SLC1A2: variants seen among roughly 807,000 people sequenced by gnomAD.
The protein encoded by SLC1A2 is excitatory amino acid transporter 2.
A neutral mutation model predicts 48.8 loss-of-function variants in SLC1A2; 15 were observed. The ratio of observed to expected loss-of-function variants is 0.31; its 90% CI spans 0.21 to 0.47. SLC1A2 has a LOEUF of 0.47. Ranked by LOEUF, SLC1A2 falls within the 20% of genes least tolerant of loss-of-function variation. The pLI, the probability that SLC1A2 is intolerant of heterozygous loss-of-function variation, is 0.99. For missense variants in SLC1A2, 502 were observed against 730.5 expected (o/e 0.69, Z 3.61); for synonymous variants, 279 against 272.6 (o/e 1.02, Z -0.23).
chr11:35,311,334 A>G, intron 4 of SLC1A2, among the ~76,000 whole-genome samples: 1 of 151,838 alleles, frequency 6.6e-6, no homozygotes, highest in East Asian at 1.9e-4. Flanking sequence ...TAATTTTTGC[A>G]TTTTTAGTAG....
intron 7 of SLC1A2, chr11:35,291,748 C>T (rs548262912): frequency 6.4e-6 from 1 of 155,970 alleles, no homozygotes; most frequent in Non-Finnish European, 1.4e-5. Flanking sequence ...GCCAAGTTAA[C>T]TCTGGGGAAA....
chr11:35,343,484 C>T (rs916632203), intron 1 of SLC1A2, among the ~76,000 whole-genome samples: 4 of 152,154 alleles, frequency 2.6e-5, no homozygotes, highest in Non-Finnish European at 5.9e-5. Context: ...AGTTAGAAGC[C>T]GCAAACCCCA....
intron 1 of SLC1A2, among the ~76,000 whole-genome samples, chr11:35,383,054 AT>A (rs1335926615): frequency 1.3e-5 from 2 of 152,228 alleles, no homozygotes; most frequent in African/African-American, 4.8e-5. Flanking sequence ...TGACAGAGGA[AT>A]TTTAGGCATG....
intron 1 of SLC1A2, 112 bp downstream of exon 1, chr11:35,418,838 C>T (rs1855690980): frequency 1.1e-6 from 1 of 926,212 alleles, no homozygotes; most frequent in South Asian, 1.4e-5. Context: ...ACGGCTCCGC[C>T]ACCACCTCCG....
At chr11:35,355,640 T>C (rs1642167041) in intron 1 of SLC1A2, among the ~76,000 whole-genome samples, 1 of 152,156 alleles carries the variant, frequency 6.6e-6, no homozygotes, top group Non-Finnish European at 1.5e-5. Flanking sequence ...ATCCCAGCAC[T>C]TTGGGAGACT....
chr11:35,370,702 G>A (rs1854031513), intron 1 of SLC1A2, among the ~76,000 whole-genome samples: 1 of 152,048 alleles, frequency 6.6e-6, no homozygotes, highest in Admixed American at 6.6e-5. Context: ...GAGAGCAGGT[G>A]CATCTTTCCA....
In SLC1A2 at chr11:35,330,859, T is replaced by C. The variant is rs183917184; in HGVS notation, c.18-13343A>G. Among the ~76,000 whole-genome samples the C allele has an allele frequency of 1.7e-4, 26 of 152,326 alleles. No individual in the cohort carries two copies. In the East Asian group the frequency reaches 4.2e-3, roughly 25 times the overall value. ...AAAGAATGCAGCCCTGCTGACACCTTGATTTTAGCCCAGTGAGACCCAACT... is the reference window on the plus strand; with the variant it reads ...AAAGAATGCAGCCCTGCTGACACCTCGATTTTAGCCCAGTGAGACCCAACT... On this transcript the variant is annotated intron_variant, in intron 1 of 10. Transcript: ENST00000278379.
chr11:35,352,891 A>T (rs1453711905), intron 1 of SLC1A2, among the ~76,000 whole-genome samples: 1 of 152,212 alleles, frequency 6.6e-6, no homozygotes, highest in Non-Finnish European at 1.5e-5. Flanking sequence ...GTGGTGGGGA[A>T]GCATGTGCCT....
intron 4 of SLC1A2, among the ~76,000 whole-genome samples, chr11:35,308,417 A>C (rs1259217894): frequency 6.6e-6 from 1 of 152,170 alleles, no homozygotes; most frequent in Non-Finnish European, 1.5e-5. Flanking sequence ...AACTCCATGT[A>C]AGTGCTGTTT....
At chr11:35,417,246 A>T (rs1855636974) in intron 1 of SLC1A2, among the ~76,000 whole-genome samples, 1 of 152,250 alleles carries the variant, frequency 6.6e-6, no homozygotes, top group Non-Finnish European at 1.5e-5. Context: ...TTGGCTCTAC[A>T]TTGAATGTCA....
intron 1 of SLC1A2, among the ~76,000 whole-genome samples, chr11:35,357,619 C>T (rs368223936): frequency 1.4e-4 from 21 of 152,172 alleles, no homozygotes; most frequent in African/African-American, 4.6e-4. Flanking sequence ...AATAGTTAAA[C>T]AAATGACACC....
intron 1 of SLC1A2, chr11:35,374,132 G>A (rs1590242305): frequency 4.3e-6 from 1 of 231,398 alleles, no homozygotes; most frequent in East Asian, 1.2e-4. Flanking sequence ...TGCCCTGCAG[G>A]TTAGGGCTTC....
intron 9 of SLC1A2, among the ~76,000 whole-genome samples, chr11:35,278,848 G>C (rs1234596155): frequency 6.6e-6 from 1 of 151,900 alleles, no homozygotes; most frequent in Admixed American, 6.5e-5. Flanking sequence ...GTGAAACCCT[G>C]TCTCTACTAA....
intron 1 of SLC1A2, among the ~76,000 whole-genome samples, chr11:35,350,524 T>C (rs2135080403): frequency 6.6e-6 from 1 of 152,322 alleles, no homozygotes; most frequent in East Asian, 1.9e-4. Flanking sequence ...ACTAATAACA[T>C]GCACAGCTGG....
chr11:35,269,739 C>T (rs1324832926), intron 9 of SLC1A2, among the ~76,000 whole-genome samples: 5 of 152,102 alleles, frequency 3.3e-5, no homozygotes, highest in Non-Finnish European at 5.9e-5. Context: ...ATCAAATCTC[C>T]TTGAATTTGA....
At chr11:35,334,971 G>A (rs561522542) in intron 1 of SLC1A2, among the ~76,000 whole-genome samples, 8 of 152,146 alleles carry the variant, frequency 5.3e-5, no homozygotes, top group Admixed American at 2.0e-4. Context: ...TTCCATTGTC[G>A]GGTAGCTAGG....
intron 1 of SLC1A2, among the ~76,000 whole-genome samples, chr11:35,318,114 T>G (rs1436699878): frequency 2.0e-5 from 3 of 152,212 alleles, no homozygotes; most frequent in African/African-American, 7.2e-5. Flanking sequence ...CCACCTACAT[T>G]ATCAGGACAG....
chr11:35,381,440 G>C (rs1004028414), intron 1 of SLC1A2, among the ~76,000 whole-genome samples: 1 of 152,124 alleles, frequency 6.6e-6, no homozygotes, highest in Non-Finnish European at 1.5e-5. Context: ...GATGGGGAGA[G>C]TAGCAAAGTC....
chr11:35,283,427 T>C (rs1850705389), intron 8 of SLC1A2, among the ~76,000 whole-genome samples: 2 of 152,152 alleles, frequency 1.3e-5, no homozygotes, highest in South Asian at 4.1e-4. Context: ...GTGTCTACAA[T>C]TTAGGAGGAT....
Sources: allele counts gnomAD v4.1 joint callset (sites outside exome capture counted in the v4.1 genomes callset), GRCh38; gene constraint gnomAD v4.1.1; transcripts MANE v1.5; gene names NCBI Gene and HGNC (gene_info 2026-07-23, HGNC 2026-07-21).